MECOM: variants seen among roughly 807,000 people sequenced by gnomAD.
MECOM encodes MDS1 and EVI1 complex locus.
A neutral mutation model predicts 116.3 loss-of-function variants in MECOM; 13 were observed. The ratio of observed to expected loss-of-function variants is 0.11; its 90% CI spans 0.07 to 0.18. MECOM has a LOEUF of 0.18. Ranked by LOEUF, MECOM falls within the 10% of genes least tolerant of loss-of-function variation. The probability of loss-of-function intolerance (pLI) is 1.00; values close to 1 mark genes in which losing one functional copy is unlikely to be tolerated. For synonymous variants in MECOM, 528 were observed against 535.2 expected, an observed-to-expected ratio of 0.99 and a Z score of 0.19; for missense variants, 1,299 against 1,509.0, an observed-to-expected ratio of 0.86 and a Z score of 2.31.
At chr3:169,166,813 A>G (rs1033965985) in intron 2 of MECOM, among the ~76,000 whole-genome samples, 5 of 152,268 alleles carry the variant, frequency 3.3e-5, no homozygotes, top group African/African-American at 9.6e-5. Flanking sequence ...CAAAAATGTT[A>G]TTGTCTATTT....
chr3:169,267,883 A>G (rs192324468), intron 2 of MECOM, among the ~76,000 whole-genome samples: 2 of 152,264 alleles, frequency 1.3e-5, no homozygotes, highest in African/African-American at 4.8e-5. Flanking sequence ...GAAGACTCCC[A>G]TAATTTTGTC....
At chr3:169,267,668 T>A (rs1223747744) in intron 2 of MECOM, among the ~76,000 whole-genome samples, 1 of 152,152 alleles carries the variant, frequency 6.6e-6, no homozygotes, top group Non-Finnish European at 1.5e-5. Context: ...GAAAAGGGCC[T>A]CCCTTCTGTG....
intron 2 of MECOM, among the ~76,000 whole-genome samples, chr3:169,226,187 A>C (rs1464171650): frequency 6.6e-6 from 1 of 152,154 alleles, no homozygotes; most frequent in Non-Finnish European, 1.5e-5. Flanking sequence ...ATGCTGGTGC[A>C]AAGAGGTAAA....
intron 1 of MECOM, among the ~76,000 whole-genome samples, chr3:169,641,256 G>A (rs1010528283): frequency 1.3e-5 from 2 of 152,226 alleles, no homozygotes; most frequent in Admixed American, 6.5e-5. Context: ...GCACAGCAGT[G>A]AGAAGTAGGA....
intron 1 of MECOM, among the ~76,000 whole-genome samples, chr3:169,596,177 ATAT>A (rs1560475148): frequency 6.6e-6 from 1 of 152,328 alleles, no homozygotes; most frequent in South Asian, 2.1e-4. Flanking sequence ...TAACTCTTTA[ATAT>A]TATACTTCCG....
At chr3:169,147,815 G>A (rs1352943402) in intron 2 of MECOM, 1 of 869,186 alleles carries the variant, frequency 1.2e-6, no homozygotes, top group Admixed American at 6.9e-5. Flanking sequence ...GTAGAGAAGT[G>A]CTTTCAGGGG....
intron 1 of MECOM, among the ~76,000 whole-genome samples, chr3:169,654,785 T>C (rs1170536935): frequency 6.6e-6 from 1 of 150,856 alleles, no homozygotes; most frequent in African/African-American, 2.4e-5. Context: ...AGATATCAGA[T>C]TCTGTAATAA....
chr3:169,175,065 A>G (rs1198976137), intron 2 of MECOM, among the ~76,000 whole-genome samples: 5 of 152,008 alleles, frequency 3.3e-5, no homozygotes. Context: ...TTCCAATCCC[A>G]CCTCTGTTGC....
At chr3:169,406,689 C>T (rs1251881913) in intron 1 of MECOM, among the ~76,000 whole-genome samples, 3 of 152,072 alleles carry the variant, frequency 2.0e-5, no homozygotes, top group Non-Finnish European at 4.4e-5. Flanking sequence ...AAACCTACTG[C>T]ATAAATAGGT....
chr3:169,406,840 T>G lies in MECOM; in HGVS notation c.38-25316A>C, dbSNP rs924808918. ...CTATTTCAAGGTTATTTGGTTACTG[T>G]TTTTTTTTGTTTTTTTTTTTTAATG... On this transcript the variant is annotated intron_variant, in intron 1 of 16. Coordinates refer to ENST00000651503, the MANE Select transcript of MECOM (RefSeq NM_004991.4). 3.1e-4 allele frequency among the ~76,000 whole-genome samples: 32 copies of G among 104,044 alleles called. 1 individual carries two copies. Among genetic ancestry groups the G allele is most frequent in the Admixed American group, 1.3e-3 (14 of 11,094 alleles). 68.3% of individuals were successfully genotyped at this position (104,044 alleles called of 152,430 possible). A position where few individuals can be genotyped will look rare whatever the true frequency, so the allele number is the denominator to read the frequency against.
chr3:169,089,930 T>C, intron 15 of MECOM, 70 bp downstream of exon 15: 1 of 1,530,068 alleles, frequency 6.5e-7, no homozygotes, highest in Non-Finnish European at 8.7e-7. Flanking sequence ...AAATTGCTTA[T>C]CACAGGAGGA....
chr3:169,336,727 A>T (rs1320538449), intron 2 of MECOM, among the ~76,000 whole-genome samples: 1 of 152,170 alleles, frequency 6.6e-6, no homozygotes, highest in Non-Finnish European at 1.5e-5. Context: ...CATTTAAATT[A>T]ACTCCAATAT....
At chr3:169,626,517 C>G (rs962989107) in intron 1 of MECOM, among the ~76,000 whole-genome samples, 3 of 152,182 alleles carry the variant, frequency 2.0e-5, no homozygotes, top group African/African-American at 7.2e-5. Context: ...AAAAGAGCCT[C>G]GACTGATCTC....
At chr3:169,133,962 C>G in intron 3 of MECOM, 1 of 1,289,454 alleles carries the variant, frequency 7.8e-7, no homozygotes, top group Non-Finnish European at 1.0e-6. Flanking sequence ...TCCTTTCCAA[C>G]AACATGTTGA....
chr3:169,446,567 C>A (rs1297088568), intron 1 of MECOM, among the ~76,000 whole-genome samples: 1 of 152,190 alleles, frequency 6.6e-6, no homozygotes, highest in East Asian at 1.9e-4. Flanking sequence ...CACAGAGCCA[C>A]CTTGCCCTGA....
intron 1 of MECOM, among the ~76,000 whole-genome samples, chr3:169,551,697 A>G (rs964129118): frequency 3.9e-5 from 6 of 152,248 alleles, no homozygotes; most frequent in Non-Finnish European, 8.8e-5. Context: ...CAACAATTTC[A>G]CAGCTAGGTC....
chr3:169,579,007 T>C (rs1764818812), intron 1 of MECOM, among the ~76,000 whole-genome samples: 1 of 152,238 alleles, frequency 6.6e-6, no homozygotes, highest in Non-Finnish European at 1.5e-5. Flanking sequence ...AAATCCCAGC[T>C]GCACAACATT....
intron 7 of MECOM, among the ~76,000 whole-genome samples, chr3:169,119,843 C>T (rs1730407039): frequency 6.6e-6 from 1 of 152,040 alleles, no homozygotes; most frequent in East Asian, 1.9e-4. Flanking sequence ...GATGAGAGCA[C>T]CCTTTTTTAA....
chr3:169,199,220 A>G (rs1374054165), intron 2 of MECOM, among the ~76,000 whole-genome samples: 1 of 152,074 alleles, frequency 6.6e-6, no homozygotes, highest in Non-Finnish European at 1.5e-5. Context: ...GAGACTGTTT[A>G]TTTAGAACCT....
Sources: allele counts gnomAD v4.1 joint callset (sites outside exome capture counted in the v4.1 genomes callset), GRCh38; gene constraint gnomAD v4.1.1; transcripts MANE v1.5; gene names NCBI Gene and HGNC (gene_info 2026-07-23, HGNC 2026-07-21).